Variants in TRIM43B observed in about 807,000 individuals in gnomAD.
TRIM43B encodes the protein tripartite motif-containing protein 43B.
TRIM43B carries 15 observed loss-of-function variants against 27.0 expected under a neutral mutation model. The ratio of observed to expected loss-of-function variants is 0.55; its 90% confidence interval spans 0.37 to 0.85. The LOEUF is 0.85. Among genes scored for constraint, TRIM43B ranks in the 40% least tolerant of loss-of-function variants. The probability of loss-of-function intolerance (pLI) is 0.00; values close to 1 mark genes in which losing one functional copy is unlikely to be tolerated. For missense variants in TRIM43B, 172 were observed against 289.8 expected, an observed-to-expected ratio of 0.59 and a Z score of 2.95; for synonymous variants, 69 against 97.8, an observed-to-expected ratio of 0.71 and a Z score of 1.74.
chr2:95,484,631 C>G (rs1462701191), exon 1 of TRIM43B: 4 of 152,068 alleles, frequency 2.6e-5, no homozygotes, highest in African/African-American at 4.8e-5. Context: ...ATGTTCTCAC[C>G]AAAGCTTGCT....
At chr2:95,483,539 C>T (rs1276628534) in intron 1 of TRIM43B, among the ~76,000 whole-genome samples, 1 of 151,778 alleles carries the variant, frequency 6.6e-6, no homozygotes, top group Non-Finnish European at 1.5e-5. Context: ...GCACTAGAGG[C>T]CGGGCACGGT....
intron 3 of TRIM43B, among the ~76,000 whole-genome samples, chr2:95,481,115 A>AT (rs1683513610): frequency 6.6e-6 from 1 of 151,668 alleles, no homozygotes. Flanking sequence ...TGCCCCAGTC[A>AT]TTTTTTATCC....
exon 2 of TRIM43B, chr2:95,482,376 C>A (rs1291321331): frequency 6.2e-7 from 1 of 1,606,702 alleles, no homozygotes; most frequent in Non-Finnish European, 8.5e-7. Flanking sequence ...TGGAGCACAG[C>A]AAGCAGAGGA....
intron 1 of TRIM43B, 132 bp from the exon 2 acceptor site, chr2:95,482,850 C>T: frequency 6.7e-7 from 1 of 1,493,768 alleles, no homozygotes; most frequent in Non-Finnish European, 8.9e-7. Context: ...TTTGCAATGA[C>T]AGAAATAGGA....
At chr2:95,481,610 T>C (rs1373603100) in exon 3 of TRIM43B, 4 of 1,612,340 alleles carry the variant, frequency 2.5e-6, no homozygotes, top group Non-Finnish European at 3.4e-6. Flanking sequence ...AGAGGAAGGC[T>C]GTTCTTCTCT....
At chr2:95,482,976 T>A (rs1340517961) in intron 1 of TRIM43B, among the ~76,000 whole-genome samples, 1 of 152,042 alleles carries the variant, frequency 6.6e-6, no homozygotes, top group African/African-American at 2.4e-5. Flanking sequence ...AATGTCGGAT[T>A]TTTTGAGGTG....
exon 2 of TRIM43B, chr2:95,482,371 C>T (rs1210128649): frequency 6.2e-7 from 1 of 1,607,164 alleles, no homozygotes; most frequent in African/African-American, 1.3e-5. Flanking sequence ...AGAGTTGGAG[C>T]ACAGCAAGCA....
intron 2 of TRIM43B, among the ~76,000 whole-genome samples, 153 bp from the exon 3 acceptor site, chr2:95,481,843 C>T (rs565448461): frequency 6.6e-6 from 1 of 151,910 alleles, no homozygotes; most frequent in Non-Finnish European, 1.5e-5. Context: ...TGATATTTTT[C>T]AGTTTGAGGT....
At chr2:95,483,685 G>A (rs1227017416) in intron 1 of TRIM43B, among the ~76,000 whole-genome samples, 2 of 151,820 alleles carry the variant, frequency 1.3e-5, no homozygotes, top group Admixed American at 6.6e-5. Context: ...AAAATTAGCC[G>A]GGAGTGGTGG....
At chr2:95,483,599 T>G (rs184453222) in intron 1 of TRIM43B, among the ~76,000 whole-genome samples, 1 of 148,480 alleles carries the variant, frequency 6.7e-6, no homozygotes, top group African/African-American at 2.4e-5. Context: ...TGGCTGAGGC[T>G]GGCAGATCAC....
intron 1 of TRIM43B, among the ~76,000 whole-genome samples, chr2:95,483,004 G>A (rs1683563450): frequency 6.6e-6 from 1 of 152,004 alleles, no homozygotes; most frequent in Non-Finnish European, 1.5e-5. Flanking sequence ...CCACCAAATT[G>A]CTTGGGCTTC....
chr2:95,482,205 A>G (rs1285229774), intron 2 of TRIM43B, 99 bp downstream of exon 2: 19 of 1,203,170 alleles, frequency 1.6e-5, no homozygotes, highest in Non-Finnish European at 2.1e-5. Flanking sequence ...CCTGGCACTC[A>G]GTAAAGAATG....
Position 95,482,856 on chromosome 2 carries a change from T to A in TRIM43B, c.-4-138A>T, listed in dbSNP as rs770406375. On this transcript the variant is annotated intron_variant, in intron 1 of 6. Transcript: ENST00000639673. ...AGGTTTTAATTTGCAATGACAGAAA[T>A]AGGAAAAATAGAAAACTAAGGCACA... 230 of 1,479,028 alleles carry A rather than the reference T, an allele frequency of 1.6e-4. 1 individual carries two copies. Among genetic ancestry groups the A allele is most frequent in the Middle Eastern group, 5.0e-4 (2 of 3,980 alleles). 91.6% of individuals were successfully genotyped at this position (1,479,028 alleles called of 1,614,324 possible).
chr2:95,483,610 G>A (rs1431783380), intron 1 of TRIM43B, among the ~76,000 whole-genome samples: 1 of 150,980 alleles, frequency 6.6e-6, no homozygotes, highest in Non-Finnish European at 1.5e-5. Context: ...GGCAGATCAC[G>A]ATGTCACGAG....
intron 3 of TRIM43B, among the ~76,000 whole-genome samples, chr2:95,480,790 T>C (rs1380189661): frequency 6.6e-6 from 1 of 152,208 alleles, no homozygotes; most frequent in Non-Finnish European, 1.5e-5. Context: ...GATTGATTGT[T>C]ACATTGTCAT....
At chr2:95,484,068 T>TAAA (rs33962775) in intron 1 of TRIM43B, among the ~76,000 whole-genome samples, 4 of 108,404 alleles carry the variant, frequency 3.7e-5, no homozygotes, top group East Asian at 5.4e-4. Context: ...TATATAAATT[T>TAAA]AAAAAAAAAA....
In TRIM43B at chr2:95,483,831, C is replaced by A. The variant is rs183488208; in HGVS notation, c.-5+775G>T. On this transcript the variant is annotated intron_variant, in intron 1 of 6. Transcript: ENST00000639673. ...TAACAGAGCAAGACTCTGTCTCCCC[C>A]CCAAAACAAAAACAAAAACAAAAAC... 2.0e-3 allele frequency among the ~76,000 whole-genome samples: 301 copies of A among 151,576 alleles called. 2 individuals are homozygous for A. Among genetic ancestry groups the A allele is most frequent in the African/African-American group, 7.0e-3 (291 of 41,342 alleles).
chr2:95,483,908 C>G (rs1471874284), intron 1 of TRIM43B, among the ~76,000 whole-genome samples: 1 of 151,702 alleles, frequency 6.6e-6, no homozygotes, highest in Non-Finnish European at 1.5e-5. Flanking sequence ...TGCTAAAATA[C>G]AAATAAAAAT....
chr2:95,482,706 T>G lies in TRIM43B; in HGVS notation c.9A>C (p.Ser3=), dbSNP rs1212922585. The G allele has an allele frequency of 1.9e-6, 3 of 1,613,560 alleles. No individual in the cohort carries two copies. The South Asian group carries it at 3.3e-5, about 18-fold the overall frequency. The stretch of plus-strand genomic sequence containing the variant: ...CCTTCTGGAAGGCATGTGAGAAGTC[T>G]GAGTCCATTTTCCTAAGGAAAGAAA... The change falls in exon 2 of 7, where the codon TCA becomes TCC. Residue 3 remains serine (S), a synonymous_variant. Coordinates refer to ENST00000639673, the Ensembl canonical transcript of TRIM43B.
Sources: gnomAD v4.1 joint callset for allele counts (sites outside exome capture counted in the v4.1 genomes callset) on GRCh38, gnomAD v4.1.1 for gene constraint, MANE v1.5 for transcripts, NCBI Gene and HGNC (gene_info 2026-07-23, HGNC 2026-07-21) for gene names.